Variants in CAMTA1 observed in about 807,000 individuals in gnomAD.
CAMTA1 encodes calmodulin binding transcription activator 1.
CAMTA1 carries 27 observed loss-of-function variants against 170.9 expected under a neutral mutation model. That is an observed-to-expected ratio of 0.16 (90% CI 0.12 to 0.22). CAMTA1 has a LOEUF of 0.22. Ranked by LOEUF, CAMTA1 falls within the 10% of genes least tolerant of loss-of-function variation. The probability of loss-of-function intolerance (pLI) is 1.00; values close to 1 mark genes in which losing one functional copy is unlikely to be tolerated. For synonymous variants in CAMTA1, 833 were observed against 891.5 expected (o/e 0.93, Z 1.17); for missense variants, 1,619 against 2,217.2 (o/e 0.73, Z 5.42).
intron 5 of CAMTA1, among the ~76,000 whole-genome samples, chr1:7,420,012 C>T (rs2091454259): frequency 1.3e-5 from 2 of 152,184 alleles, no homozygotes; most frequent in Non-Finnish European, 2.9e-5. Flanking sequence ...CTCTTTGTTA[C>T]CTGGAGCCAT....
In CAMTA1 at chr1:7,093,071, TG is replaced by T. The variant is rs1641668459; in HGVS notation, c.302+1701del. Reference sequence around the variant, plus strand: ...GATGGGAATACAGTGCACTATTTGGTGAATACGGCCATGTTAAACTAGAGAG... The same window carrying T: ...GATGGGAATACAGTGCACTATTTGGTAATACGGCCATGTTAAACTAGAGAG... On this transcript the variant is annotated intron_variant, in intron 4 of 22. Coordinates refer to ENST00000303635, the MANE Select transcript of CAMTA1 (RefSeq NM_015215.4). The surrounding 1 kb of genome is among the most constrained non-coding windows in gnomAD (Gnocchi z 4.6). Among the ~76,000 whole-genome samples the T allele has an allele frequency of 3.3e-5, 5 of 152,164 alleles. No homozygotes were observed. The South Asian group carries it at 1.0e-3, about 32-fold the overall frequency.
At chr1:6,854,734 CTAAAT>C (rs1393761462) in intron 3 of CAMTA1, among the ~76,000 whole-genome samples, 1 of 152,078 alleles carries the variant, frequency 6.6e-6, no homozygotes, top group East Asian at 1.9e-4. Flanking sequence ...GTATAAATCA[CTAAAT>C]TAATAGAGTA....
chr1:6,898,200 T>C (rs546103934), intron 3 of CAMTA1, among the ~76,000 whole-genome samples: 37 of 152,314 alleles, frequency 2.4e-4, no homozygotes, highest in Non-Finnish European at 2.9e-5. Context: ...AAACTAATTA[T>C]TATGTACATC....
chr1:7,475,179 A>G (rs1434432391), intron 6 of CAMTA1, among the ~76,000 whole-genome samples: 2 of 152,274 alleles, frequency 1.3e-5, no homozygotes, highest in African/African-American at 4.8e-5. Context: ...TTCATAAAAA[A>G]TACCTGAGCT....
At chr1:7,028,536 C>T (rs75548593) in intron 3 of CAMTA1, among the ~76,000 whole-genome samples, 1,746 of 152,262 alleles carry the variant, frequency 0.011, 20 homozygotes, top group Non-Finnish European at 0.018. Flanking sequence ...TTCTTGCTGC[C>T]GTCCATGAAT....
chr1:7,445,560 G>A (rs983345166), intron 5 of CAMTA1, among the ~76,000 whole-genome samples: 6 of 152,136 alleles, frequency 3.9e-5, no homozygotes, highest in African/African-American at 1.2e-4. Context: ...AGCCTGGAGG[G>A]GGAGGCGGAG....
intron 11 of CAMTA1, among the ~76,000 whole-genome samples, chr1:7,709,124 CTCT>C (rs1400660075): frequency 6.6e-6 from 1 of 152,132 alleles, no homozygotes; most frequent in Non-Finnish European, 1.5e-5. Flanking sequence ...TAAATTCTGT[CTCT>C]TTTTTCCTTT....
Position 7,144,828 on chromosome 1 carries a change from C to T in CAMTA1, c.302+53457C>T, listed in dbSNP as rs1386673611. Among the ~76,000 whole-genome samples, 2 of 152,176 alleles carry T rather than the reference C, an allele frequency of 1.3e-5. No individual in the cohort carries two copies. Among genetic ancestry groups the T allele is most frequent in the East Asian group, 3.8e-4 (2 of 5,196 alleles). On this transcript the variant is annotated intron_variant, in intron 4 of 22. Coordinates refer to ENST00000303635, the MANE Select transcript of CAMTA1 (RefSeq NM_015215.4). The surrounding 1 kb of genome is among the most constrained non-coding windows in gnomAD (Gnocchi z 4.0). The stretch of plus-strand genomic sequence containing the variant: ...TTAAAGTAGAGCCATTGAGAATGTT[C>T]CCTATAATTTGAACAACCCTAAGAA...
At chr1:7,246,129 C>A (rs1390292620) in intron 4 of CAMTA1, among the ~76,000 whole-genome samples, 1 of 152,218 alleles carries the variant, frequency 6.6e-6, no homozygotes, top group East Asian at 1.9e-4. Context: ...AGAACGGAGA[C>A]TGGCCCCACA....
At chr1:6,809,615 A>C (rs1026478653) in intron 1 of CAMTA1, among the ~76,000 whole-genome samples, 3 of 152,088 alleles carry the variant, frequency 2.0e-5, no homozygotes, top group African/African-American at 4.8e-5. Flanking sequence ...CAATGAATGA[A>C]TCAGTTCAAA....
intron 1 of CAMTA1, among the ~76,000 whole-genome samples, chr1:6,809,293 C>T (rs1644898204): frequency 1.3e-5 from 2 of 152,090 alleles, no homozygotes; most frequent in African/African-American, 4.8e-5. Flanking sequence ...TCCCAAAGTG[C>T]TAGGATTACA....
intron 4 of CAMTA1, among the ~76,000 whole-genome samples, chr1:7,111,464 A>G (rs1036185292): frequency 1.1e-4 from 16 of 152,198 alleles, no homozygotes; most frequent in South Asian, 8.3e-4. Context: ...TATTAAGAGC[A>G]TGGGCTCTGG....
intron 5 of CAMTA1, among the ~76,000 whole-genome samples, chr1:7,355,744 C>T (rs2085063881): frequency 6.6e-6 from 1 of 152,218 alleles, no homozygotes; most frequent in Non-Finnish European, 1.5e-5. Flanking sequence ...TCCACCCCTC[C>T]CCTCTCAGGT....
intron 6 of CAMTA1, among the ~76,000 whole-genome samples, chr1:7,505,371 G>T (rs963895446): frequency 6.6e-6 from 1 of 152,188 alleles, no homozygotes; most frequent in Non-Finnish European, 1.5e-5. Flanking sequence ...GGGGTGTGCT[G>T]GGACGTGGGC....
chr1:7,132,034 CAG>C (rs1250841981), intron 4 of CAMTA1, among the ~76,000 whole-genome samples: 1 of 142,488 alleles, frequency 7.0e-6, no homozygotes, highest in African/African-American at 2.7e-5. Flanking sequence ...GCCTGGGTGA[CAG>C]AGTGACTCTG....
chr1:7,740,772 G>T (rs1320445857), intron 16 of CAMTA1, among the ~76,000 whole-genome samples: 1 of 152,180 alleles, frequency 6.6e-6, no homozygotes, highest in East Asian at 1.9e-4. Context: ...GCAGCTTTTT[G>T]AAAGTGGCCT....
chr1:7,012,423 C>T (rs2100799376), intron 3 of CAMTA1, among the ~76,000 whole-genome samples: 1 of 152,264 alleles, frequency 6.6e-6, no homozygotes, highest in East Asian at 1.9e-4. Flanking sequence ...GGGTTTCTGG[C>T]ACCGGTCTTT....
At chr1:6,798,656 G>A (rs1338429307) in intron 1 of CAMTA1, among the ~76,000 whole-genome samples, 2 of 118,442 alleles carry the variant, frequency 1.7e-5, no homozygotes, top group African/African-American at 3.4e-5. Flanking sequence ...GACTGCAGTG[G>A]CGCAATCTCG....
At chr1:7,270,082 A>G (rs980160654) in intron 5 of CAMTA1, among the ~76,000 whole-genome samples, 2 of 152,006 alleles carry the variant, frequency 1.3e-5, no homozygotes, top group East Asian at 3.9e-4. Flanking sequence ...TTCAGTGTGC[A>G]TATTCTTCAA....
Sources: allele counts gnomAD v4.1 joint callset (sites outside exome capture counted in the v4.1 genomes callset), GRCh38; gene constraint gnomAD v4.1.1; non-coding constraint Gnocchi (gnomAD v3.1); transcripts MANE v1.5; gene names NCBI Gene and HGNC (gene_info 2026-07-23, HGNC 2026-07-21).